PDE12: variants seen among roughly 807,000 people sequenced by gnomAD.
PDE12 encodes phosphodiesterase 12, also known as 2',5'-phosphodiesterase 12.
Under a neutral mutation model 45.4 loss-of-function variants are expected in PDE12, and 26 were observed. That is an observed-to-expected ratio of 0.57 (90% CI 0.42 to 0.79). The LOEUF (loss-of-function observed/expected upper bound fraction) is 0.79. Among genes scored for constraint, PDE12 ranks in the 30% least tolerant of loss-of-function variants. The pLI, the probability that PDE12 is intolerant of heterozygous loss-of-function variation, is 0.00. For synonymous variants in PDE12, 283 were observed against 323.9 expected, an observed-to-expected ratio of 0.87 and a Z score of 1.36; for missense variants, 668 against 790.0, an observed-to-expected ratio of 0.85 and a Z score of 1.85.
the PDE12 span, among the ~76,000 whole-genome samples, chr3:57,609,280 G>A: frequency 6.6e-6 from 1 of 152,170 alleles, no homozygotes; most frequent in Non-Finnish European, 1.5e-5. Flanking sequence ...ACAAGAGAAA[G>A]CAGGAAAGGT....
At chr3:57,601,334 T>C in the PDE12 span, among the ~76,000 whole-genome samples, 2 of 152,000 alleles carry the variant, frequency 1.3e-5, no homozygotes, top group African/African-American at 2.4e-5. Flanking sequence ...GGTCTCGAAC[T>C]CCTGACCTAG....
At position 57,560,694 on chromosome 3, in the gene PDE12, G is replaced by A. The variant is rs2153407564; in HGVS notation, c.*690G>A. ...AGAATTTTTAAAGTACCATTTGAAT[G>A]ATCTTAATTTTTCTTTCATGACAAC... On this transcript the variant is annotated 3_prime_UTR_variant, in exon 3 of 3. Coordinates refer to ENST00000311180, the MANE Select transcript of PDE12 (RefSeq NM_177966.7). 1 of 983,892 alleles carries A rather than the reference G, an allele frequency of 1.0e-6. No individual in the cohort carries two copies. The highest frequency in any genetic ancestry group is 1.1e-4 in the East Asian group (1 of 8,810). The allele number at this position is 983,892 out of a possible 1,614,324, so 60.9% of individuals were successfully genotyped here.
At chr3:57,596,873 C>A in the PDE12 span, 1 of 585,822 alleles carries the variant, frequency 1.7e-6, no homozygotes, top group Non-Finnish European at 3.0e-6. Flanking sequence ...CTGTCCCTGT[C>A]TCGTCTGGCG....
the PDE12 span, among the ~76,000 whole-genome samples, chr3:57,579,237 A>T: frequency 3.1e-5 from 3 of 95,310 alleles, no homozygotes; most frequent in Admixed American, 3.8e-4. Context: ...CTGGGCGACA[A>T]GAGCAAACTA....
the PDE12 span, among the ~76,000 whole-genome samples, chr3:57,580,127 T>A: frequency 6.6e-6 from 1 of 152,094 alleles, no homozygotes; most frequent in African/African-American, 2.4e-5. Context: ...TAATGTTTGA[T>A]GCTTTGGGAG....
At chr3:57,598,799 C>CA in the PDE12 span, among the ~76,000 whole-genome samples, 182 of 152,050 alleles carry the variant, frequency 1.2e-3, no homozygotes, top group African/African-American at 3.9e-3. Context: ...ACAACAACAA[C>CA]AAAAAAACCC....
the PDE12 span, among the ~76,000 whole-genome samples, chr3:57,595,108 T>C: frequency 2.0e-5 from 3 of 152,228 alleles, no homozygotes; most frequent in Admixed American, 2.0e-4. Flanking sequence ...TTCTCTCCCA[T>C]TTTCTTCGAA....
chr3:57,559,448 T>G (rs1380375451), intron 2 of PDE12, 60 bp downstream of exon 2: 9 of 1,573,390 alleles, frequency 5.7e-6, no homozygotes, highest in Non-Finnish European at 7.9e-6. Flanking sequence ...TAAAGTGTTT[T>G]ACACAAATGC....
chr3:57,597,449 C>A, the PDE12 span: 6 of 236,598 alleles, frequency 2.5e-5, no homozygotes, highest in East Asian at 3.0e-4. Flanking sequence ...CGGACAGAAT[C>A]GCGTCACCGC....
chr3:57,631,495 C>T, the PDE12 span, among the ~76,000 whole-genome samples: 5 of 151,670 alleles, frequency 3.3e-5, no homozygotes, highest in South Asian at 1.0e-3. Context: ...CGCCCAACAA[C>T]GCGGTCCATT....
the PDE12 span, among the ~76,000 whole-genome samples, chr3:57,608,092 C>T: frequency 2.0e-5 from 3 of 152,038 alleles, no homozygotes; most frequent in Non-Finnish European, 4.4e-5. Flanking sequence ...TCAACATTCT[C>T]AAAGAAAAGA....
At chr3:57,578,461 G>A in the PDE12 span, among the ~76,000 whole-genome samples, 1 of 119,452 alleles carries the variant, frequency 8.4e-6, no homozygotes, top group Non-Finnish European at 2.0e-5. Flanking sequence ...AAGGAAGGTA[G>A]TTATCAATTC....
downstream of PDE12, among the ~76,000 whole-genome samples, chr3:57,568,970 T>C (rs1304926904): frequency 6.6e-6 from 1 of 152,172 alleles, no homozygotes; most frequent in African/African-American, 2.4e-5. Context: ...CAATTTCTCT[T>C]CAGTTTCTCT....
At chr3:57,592,913 G>C in the PDE12 span, among the ~76,000 whole-genome samples, 2 of 152,082 alleles carry the variant, frequency 1.3e-5, no homozygotes, top group Non-Finnish European at 2.9e-5. Context: ...CTCTTAAAAG[G>C]CTGAGCGTGT....
chr3:57,575,945 T>G, the PDE12 span, among the ~76,000 whole-genome samples: 20 of 151,708 alleles, frequency 1.3e-4, no homozygotes, highest in East Asian at 3.7e-3. Flanking sequence ...TCATTCAGCC[T>G]TCATGATTAC....
chr3:57,591,875 C>G, the PDE12 span, among the ~76,000 whole-genome samples: 6 of 152,026 alleles, frequency 3.9e-5, no homozygotes, highest in Non-Finnish European at 8.8e-5. Flanking sequence ...CCCATAGAAA[C>G]AGAAAACAGA....
the PDE12 span, among the ~76,000 whole-genome samples, chr3:57,638,800 C>A: frequency 9.9e-5 from 15 of 151,176 alleles, no homozygotes; most frequent in South Asian, 4.2e-4. Context: ...TGGTTACTAT[C>A]AAAAAAAATG....
chr3:57,591,812 C>A, the PDE12 span, among the ~76,000 whole-genome samples: 1 of 152,054 alleles, frequency 6.6e-6, no homozygotes, highest in Non-Finnish European at 1.5e-5. Context: ...AAAAGCCAGA[C>A]AAAGAGGCCA....
At chr3:57,594,128 C>G in the PDE12 span, among the ~76,000 whole-genome samples, 1 of 151,854 alleles carries the variant, frequency 6.6e-6, no homozygotes, top group East Asian at 1.9e-4. Context: ...TGGTGGCGGG[C>G]GCTTGTAATC....
Sources: allele counts gnomAD v4.1 joint callset (sites outside exome capture counted in the v4.1 genomes callset), GRCh38; gene constraint gnomAD v4.1.1; transcripts MANE v1.5; gene names NCBI Gene and HGNC (gene_info 2026-07-23, HGNC 2026-07-21).